LDB2: variants seen among roughly 807,000 people sequenced by gnomAD.
LDB2 encodes LIM domain binding 2.
A neutral mutation model predicts 44.3 loss-of-function variants in LDB2; 12 were observed. That is an observed-to-expected ratio of 0.27 (90% CI 0.17 to 0.44). The LOEUF is 0.44. LDB2 is among the 20% of genes least tolerant of loss of function. The probability of loss-of-function intolerance (pLI) is 1.00; values close to 1 mark genes in which losing one functional copy is unlikely to be tolerated. For missense variants in LDB2, 344 were observed against 473.5 expected (o/e 0.73, Z 2.54); for synonymous variants, 164 against 174.8 (o/e 0.94, Z 0.49).
chr4:16,596,625 T>C (rs368564072), intron 2 of LDB2, among the ~76,000 whole-genome samples: 3 of 152,328 alleles, frequency 2.0e-5, no homozygotes, highest in African/African-American at 7.2e-5. Flanking sequence ...ACTATGTAAA[T>C]ACTGATTATT....
chr4:16,847,031 T>A (rs1311620254), intron 1 of LDB2, among the ~76,000 whole-genome samples: 5 of 152,222 alleles, frequency 3.3e-5, no homozygotes, highest in Non-Finnish European at 7.3e-5. Flanking sequence ...TCAGTATGTG[T>A]CATTTCATTC....
intron 1 of LDB2, among the ~76,000 whole-genome samples, chr4:16,777,050 C>T (rs993472654): frequency 6.6e-6 from 1 of 152,106 alleles, no homozygotes. Context: ...ACAAAATTGT[C>T]CCAGTTTGAG....
chr4:16,803,709 T>G (rs1778262807), intron 1 of LDB2, among the ~76,000 whole-genome samples: 1 of 152,230 alleles, frequency 6.6e-6, no homozygotes, highest in Non-Finnish European at 1.5e-5. Flanking sequence ...GTGCTTTATT[T>G]TCATTGTTGC....
chr4:16,897,675 G>C (rs939495173), intron 1 of LDB2, among the ~76,000 whole-genome samples: 2 of 151,724 alleles, frequency 1.3e-5, no homozygotes, highest in South Asian at 2.1e-4. Context: ...AGAGTGATAG[G>C]GGGGCACGGC....
At chr4:16,535,393 G>A (rs768113560) in intron 5 of LDB2, among the ~76,000 whole-genome samples, 20 of 152,122 alleles carry the variant, frequency 1.3e-4, no homozygotes, top group Non-Finnish European at 2.8e-4. Flanking sequence ...ATATGGCGAG[G>A]ACCTCAAGCT....
rs183932476 is a variant in LDB2, at chr4:16,766,850, A to G, written c.133-7590T>C. ...CTTTCCTTATATAAGCTACATACTA[A>G]TGCACTGAATAGATATGCGGTAATA... On this transcript the variant is annotated intron_variant, in intron 1 of 7. Transcript: ENST00000304523. Among the ~76,000 whole-genome samples, 24 of 152,176 alleles carry G rather than the reference A, an allele frequency of 1.6e-4. No homozygotes were observed. In the East Asian group the frequency reaches 4.3e-3, roughly 27 times the overall value.
chr4:16,762,164 C>T (rs1345196770), intron 1 of LDB2, among the ~76,000 whole-genome samples: 1 of 152,014 alleles, frequency 6.6e-6, no homozygotes, highest in African/African-American at 2.4e-5. Flanking sequence ...CCACTGCACT[C>T]CAGTCTGGGT....
chr4:16,570,750 G>C (rs1026348068), intron 5 of LDB2, among the ~76,000 whole-genome samples: 5 of 152,022 alleles, frequency 3.3e-5, no homozygotes, highest in East Asian at 1.9e-4. Flanking sequence ...AATTTGGTTA[G>C]AGTATTCCAG....
In LDB2 at chr4:16,897,930, ATATATATACACATATG is replaced by A. The variant is rs1299774616; in HGVS notation, c.132+408_132+423del. Among the ~76,000 whole-genome samples, 46 of 17,668 alleles carry A rather than the reference ATATATATACACATATG, an allele frequency of 2.6e-3. 1 individual carries two copies. Among genetic ancestry groups the A allele is most frequent in the African/African-American group, 0.017 (44 of 2,654 alleles). 11.6% of individuals were successfully genotyped at this position (17,668 alleles called of 152,430 possible). On this transcript the variant is annotated intron_variant, in intron 1 of 7. Transcript: ENST00000304523. ...TATATATATATATATATATATATAT[ATATATATACACATATG>A]TATATATATATATATATATATATAT...
chr4:16,687,339 GCTCT>G (rs964522543), intron 2 of LDB2, among the ~76,000 whole-genome samples: 4 of 151,994 alleles, frequency 2.6e-5, no homozygotes, highest in Admixed American at 6.5e-5. Context: ...TTGAGAGCTT[GCTCT>G]CTCTCTCGCT....
At chr4:16,677,825 C>A (rs1417152616) in intron 2 of LDB2, among the ~76,000 whole-genome samples, 1 of 152,184 alleles carries the variant, frequency 6.6e-6, no homozygotes, top group Non-Finnish European at 1.5e-5. Flanking sequence ...ATACCACCCA[C>A]ACAAATAATA....
At chr4:16,513,334 G>C (rs985618472) in intron 5 of LDB2, among the ~76,000 whole-genome samples, 1 of 152,072 alleles carries the variant, frequency 6.6e-6, no homozygotes, top group Admixed American at 6.6e-5. Flanking sequence ...CCCCACACAG[G>C]CTGAGCTGCG....
intron 1 of LDB2, among the ~76,000 whole-genome samples, chr4:16,828,826 T>C (rs1783534441): frequency 6.6e-6 from 1 of 152,084 alleles, no homozygotes; most frequent in African/African-American, 2.4e-5. Context: ...TCTTGGAAGA[T>C]GGTAATTGAA....
At position 16,684,368 on chromosome 4, in the gene LDB2, C is replaced by T. The variant is rs143039859; in HGVS notation, c.235+74790G>A. On this transcript the variant is annotated intron_variant, in intron 2 of 7. Transcript: ENST00000304523. ...AAGCAGAAATACAAGCCAGATGACT[C>T]TAAGAGAAGAAAACATGACTGCAGT... 9.5e-3 allele frequency among the ~76,000 whole-genome samples: 1,439 copies of T among 152,270 alleles called. 28 individuals carry two copies. The highest frequency in any genetic ancestry group is 0.032 in the African/African-American group (1,340 of 41,554).
At chr4:16,827,491 C>T (rs187370985) in intron 1 of LDB2, among the ~76,000 whole-genome samples, 1 of 152,234 alleles carries the variant, frequency 6.6e-6, no homozygotes, top group East Asian at 1.9e-4. Flanking sequence ...ACTGGTTAAG[C>T]AAAGACTACA....
intron 2 of LDB2, among the ~76,000 whole-genome samples, chr4:16,614,877 C>T (rs369084108): frequency 2.7e-5 from 4 of 150,158 alleles, no homozygotes; most frequent in African/African-American, 4.9e-5. Context: ...GAGACCATCC[C>T]GGCTAAAACG....
At chr4:16,728,473 T>G (rs1051527734) in intron 2 of LDB2, among the ~76,000 whole-genome samples, 1 of 111,134 alleles carries the variant, frequency 9.0e-6, no homozygotes, top group Admixed American at 9.3e-5. Flanking sequence ...AGCATTAACA[T>G]TAACTCCAAA....
At chr4:16,736,711 A>G (rs531775491) in intron 2 of LDB2, among the ~76,000 whole-genome samples, 7 of 152,322 alleles carry the variant, frequency 4.6e-5, no homozygotes, top group African/African-American at 1.7e-4. Context: ...GGGTGTTGAC[A>G]GTCTATTTTT....
At chr4:16,819,535 T>C (rs565087677) in intron 1 of LDB2, among the ~76,000 whole-genome samples, 3 of 151,244 alleles carry the variant, frequency 2.0e-5, no homozygotes, top group South Asian at 2.1e-4. Context: ...TTTGTATTCA[T>C]TTCAAGCAGT....
Sources: gnomAD v4.1 joint callset for allele counts (sites outside exome capture counted in the v4.1 genomes callset) on GRCh38, gnomAD v4.1.1 for gene constraint, MANE v1.5 for transcripts, NCBI Gene and HGNC (gene_info 2026-07-23, HGNC 2026-07-21) for gene names.